MCPH1: variants seen among roughly 807,000 people sequenced by gnomAD.
The protein encoded by MCPH1 is microcephalin 1, also known as microcephalin.
In MCPH1, 104 loss-of-function variants were observed where a neutral mutation model predicts 84.5. The ratio of observed to expected loss-of-function variants is 1.23; its 90% CI spans 1.05 to 1.45. MCPH1 has a LOEUF of 1.45. MCPH1 is among the 40% of genes most tolerant of loss of function. MCPH1 has a pLI of 0.00. For synonymous variants in MCPH1, 514 were observed against 366.8 expected, an observed-to-expected ratio of 1.40 and a Z score of -4.58; for missense variants, 1,498 against 1,005.7, an observed-to-expected ratio of 1.49 and a Z score of -6.62.
chr8:6,475,551 C>A (rs1305957109), intron 9 of MCPH1, among the ~76,000 whole-genome samples: 1 of 152,146 alleles, frequency 6.6e-6, no homozygotes, highest in African/African-American at 2.4e-5. Flanking sequence ...TTCAGCACAC[C>A]AACACGATAG....
intron 3 of MCPH1, among the ~76,000 whole-genome samples, chr8:6,419,956 T>C (rs1402198120): frequency 6.6e-6 from 1 of 152,264 alleles, no homozygotes; most frequent in Non-Finnish European, 1.5e-5. Flanking sequence ...TCTATTCTAT[T>C]TCCATTCATT....
chr8:6,499,291 G>C (rs1811700510), intron 11 of MCPH1, among the ~76,000 whole-genome samples: 1 of 151,998 alleles, frequency 6.6e-6, no homozygotes, highest in South Asian at 2.1e-4. Flanking sequence ...AGAGGATAAT[G>C]ATGATGATAA....
At chr8:6,594,301 T>A (rs925591429) in intron 12 of MCPH1, among the ~76,000 whole-genome samples, 9 of 151,890 alleles carry the variant, frequency 5.9e-5, no homozygotes, top group African/African-American at 1.9e-4. Flanking sequence ...CGGGTGAGAG[T>A]GGAATGAGTG....
chr8:6,487,696 A>G (rs1274369263), intron 11 of MCPH1, among the ~76,000 whole-genome samples: 2 of 152,210 alleles, frequency 1.3e-5, no homozygotes, highest in African/African-American at 2.4e-5. Flanking sequence ...CGCACTTGCA[A>G]GCTGACTAGG....
chr8:6,439,896 G>A (rs1326769506), intron 6 of MCPH1, among the ~76,000 whole-genome samples: 1 of 152,120 alleles, frequency 6.6e-6, no homozygotes, highest in African/African-American at 2.4e-5. Flanking sequence ...CTACCTGGGG[G>A]TAACCTGTAT....
At chr8:6,494,098 A>C (rs946682694) in intron 11 of MCPH1, 3 of 152,012 alleles carry the variant, frequency 2.0e-5, no homozygotes, top group African/African-American at 7.3e-5. Context: ...ATGCCACCAC[A>C]CCTGGCTAAT....
At chr8:6,606,637 T>C (rs1408568496) in intron 12 of MCPH1, among the ~76,000 whole-genome samples, 3 of 152,100 alleles carry the variant, frequency 2.0e-5, no homozygotes, top group African/African-American at 4.8e-5. Flanking sequence ...GGAGAGTGTA[T>C]GTGAGAAGGT....
chr8:6,630,074 T>G (rs920724629), intron 13 of MCPH1, among the ~76,000 whole-genome samples: 2 of 152,280 alleles, frequency 1.3e-5, no homozygotes, highest in East Asian at 3.9e-4. Flanking sequence ...TAAATGTTGG[T>G]GCTTGAAAAC....
chr8:6,466,055 A>G (rs1231108230), intron 9 of MCPH1, among the ~76,000 whole-genome samples: 2 of 151,244 alleles, frequency 1.3e-5, no homozygotes, highest in South Asian at 2.1e-4. Flanking sequence ...CCCCAGTTCA[A>G]GTGATTCTTG....
chr8:6,525,546 A>G (rs963256594), intron 12 of MCPH1, among the ~76,000 whole-genome samples: 38 of 152,218 alleles, frequency 2.5e-4, no homozygotes, highest in Non-Finnish European at 5.0e-4. Flanking sequence ...TATTCTATAA[A>G]GAAAGCAATT....
chr8:6,498,630 T>C (rs1353635220), intron 11 of MCPH1, among the ~76,000 whole-genome samples: 1 of 152,192 alleles, frequency 6.6e-6, no homozygotes, highest in Non-Finnish European at 1.5e-5. Context: ...CCGCACGCAT[T>C]TTTAAGGCTG....
chr8:6,443,310 A>G (rs759634282), intron 7 of MCPH1, among the ~76,000 whole-genome samples: 3 of 151,642 alleles, frequency 2.0e-5, no homozygotes, highest in Non-Finnish European at 4.4e-5. Context: ...GTGATAAAAC[A>G]TAAAACAATT....
rs921061006 is a variant in MCPH1, at chr8:6,474,438, A to G, written c.1936-3156A>G. On this transcript the variant is annotated intron_variant, in intron 9 of 13. Coordinates refer to ENST00000344683, the MANE Select transcript of MCPH1 (RefSeq NM_024596.5). The stretch of plus-strand genomic sequence containing the variant: ...TTCATAATACTACTAAGACTTTAAC[A>G]TGCAATGGGTTCACCTTGCTGTCTC... 2.4e-5 allele frequency: 5 copies of G among 210,386 alleles called. No individual in the cohort carries two copies. The South Asian group carries it at 4.2e-4, about 18-fold the overall frequency. 13.0% of individuals were successfully genotyped at this position (210,386 alleles called of 1,614,324 possible).
chr8:6,636,869 C>A (rs1049461838), intron 13 of MCPH1, among the ~76,000 whole-genome samples: 1 of 152,182 alleles, frequency 6.6e-6, no homozygotes, highest in Non-Finnish European at 1.5e-5. Flanking sequence ...GGAAACACCA[C>A]CTGTAATATC....
chr8:6,457,657 C>G (rs550405581), intron 9 of MCPH1, among the ~76,000 whole-genome samples: 31 of 152,238 alleles, frequency 2.0e-4, no homozygotes, highest in African/African-American at 5.3e-4. Context: ...ACCCTCCTGG[C>G]CAGCAGCTCC....
rs180804679 is a variant in MCPH1, at chr8:6,463,609, G to T, written c.1935+8357G>T. ...ATAAAAAGAGTACTAGATGCCCAGA[G>T]GGTGGGAAAGGCCTAGCCCAGATGC... On this transcript the variant is annotated intron_variant, in intron 9 of 13. Coordinates refer to ENST00000344683, the MANE Select transcript of MCPH1 (RefSeq NM_024596.5). Among the ~76,000 whole-genome samples the T allele has an allele frequency of 6.0e-3, 907 of 152,294 alleles. 11 individuals carry two copies. The highest frequency in any genetic ancestry group is 0.021 in the African/African-American group (872 of 41,568).
chr8:6,548,118 C>A (rs1462600143), intron 12 of MCPH1, among the ~76,000 whole-genome samples: 1 of 152,140 alleles, frequency 6.6e-6, no homozygotes, highest in Non-Finnish European at 1.5e-5. Context: ...TTTGGCTGCT[C>A]TTTGGGATTC....
chr8:6,462,995 C>G (rs1806451779), intron 9 of MCPH1, among the ~76,000 whole-genome samples: 1 of 152,274 alleles, frequency 6.6e-6, no homozygotes, highest in East Asian at 1.9e-4. Flanking sequence ...GAAAATGACC[C>G]TCAAAACTCT....
At chr8:6,621,963 C>G (rs1160719459) in intron 13 of MCPH1, among the ~76,000 whole-genome samples, 1 of 152,218 alleles carries the variant, frequency 6.6e-6, no homozygotes, top group Non-Finnish European at 1.5e-5. Flanking sequence ...TCCAGGCTAC[C>G]CAAAGCCACC....
Sources: allele counts gnomAD v4.1 joint callset (sites outside exome capture counted in the v4.1 genomes callset), GRCh38; gene constraint gnomAD v4.1.1; transcripts MANE v1.5; gene names NCBI Gene and HGNC (gene_info 2026-07-23, HGNC 2026-07-21).